Variants in LTBP2 observed in about 807,000 individuals in gnomAD.
The protein encoded by LTBP2 is latent-transforming growth factor beta-binding protein 2.
Under a neutral mutation model 210.6 loss-of-function variants are expected in LTBP2, and 103 were observed. That is an observed-to-expected ratio of 0.49 (90% CI 0.42 to 0.58). The LOEUF is 0.58. LTBP2 is among the 20% of genes least tolerant of loss of function. The pLI, the probability that LTBP2 is intolerant of heterozygous loss-of-function variation, is 0.00. For missense variants in LTBP2, 2,313 were observed against 2,494.5 expected, an observed-to-expected ratio of 0.93 and a Z score of 1.55; for synonymous variants, 1,007 against 1,015.0, an observed-to-expected ratio of 0.99 and a Z score of 0.15.
Position 74,611,939 on chromosome 14 carries a change from C to T in LTBP2, c.6G>A (p.Arg2=). The T allele has an allele frequency of 6.3e-7, 1 of 1,578,344 alleles. No homozygotes were observed. Among genetic ancestry groups the T allele is most frequent in the Non-Finnish European group, 8.6e-7 (1 of 1,166,720 alleles). M[R]PRTKARSPGR... ...CCGGGCTGCGGGCTTTGGTCCGCGG[C>T]CTCATGGCGCGGGGCGGCTGGAGAG... is the stretch of plus-strand genomic sequence containing the variant. Residue 2 remains arginine, a synonymous_variant, in exon 1 of 36, where the codon AGG becomes AGA. Transcript: ENST00000261978.
rs1405470439 is a variant in LTBP2 at position 74,509,313 on chromosome 14, TGGTGCAGACTCCGGA to T, written c.3313_3327del (p.Ser1105_Thr1109del). The T allele has an allele frequency of 2.0e-5, 32 of 1,613,518 alleles. No individual in the cohort carries two copies. Among genetic ancestry groups the T allele is most frequent in the Non-Finnish European group, 2.7e-5 (32 of 1,179,988 alleles). On this transcript the variant is annotated inframe_deletion, in exon 22 of 36. Transcript: ENST00000261978. Reference sequence around the variant, plus strand: ...TTGCAGGAGAAGGAGCCAGCCGTGTTGGTGCAGACTCCGGAGGGGCAGACTCCCGGGAAGGCACAC... The same window carrying T: ...TTGCAGGAGAAGGAGCCAGCCGTGTTGGGGCAGACTCCCGGGAAGGCACAC...
Position 74,525,233 on chromosome 14 carries a change from GGAGA to G in LTBP2, c.2429-12_2429-9del. ...GTGGGGTTGTGGCATTCCCTGTGGA[GGAGA>G]GAGGGGAAGAGGTGGGGTTGTGGCC... On this transcript the variant is annotated splice_polypyrimidine_tract_variant and intron_variant, in intron 14 of 35. Coordinates refer to ENST00000261978, the MANE Select transcript of LTBP2 (RefSeq NM_000428.3). The G allele has an allele frequency of 7.6e-7, 1 of 1,310,848 alleles. No homozygotes were observed. Among genetic ancestry groups the G allele is most frequent in the Non-Finnish European group, 9.8e-7 (1 of 1,016,660 alleles). 81.2% of individuals were successfully genotyped at this position (1,310,848 alleles called of 1,614,324 possible).
rs776809103 is a variant in LTBP2, at chr14:74,526,046, C to T, written c.2428+29G>A. 3 of 1,590,734 alleles carry T rather than the reference C, an allele frequency of 1.9e-6. No individual in the cohort carries two copies. In the South Asian group the frequency reaches 3.4e-5, roughly 18 times the overall value. On this transcript the variant is annotated intron_variant, in intron 14 of 35. Coordinates refer to ENST00000261978, the MANE Select transcript of LTBP2 (RefSeq NM_000428.3). ...GGCTCTTTCCCTCCCTTCTCTTTTG[C>T]CTAGGAGCCGCCAGGAAGAGGGACT...
At chr14:74,561,068 T>C (rs1055771850) in intron 3 of LTBP2, among the ~76,000 whole-genome samples, 1 of 152,168 alleles carries the variant, frequency 6.6e-6, no homozygotes, top group African/African-American at 2.4e-5. Flanking sequence ...CCTGTAATCC[T>C]AGCACTTTGG....
chr14:74,504,894 G>C (rs2139689700), intron 29 of LTBP2, 33 bp from the exon 30 acceptor site: 1 of 1,612,512 alleles, frequency 6.2e-7, no homozygotes, highest in East Asian at 2.2e-5. Flanking sequence ...TCAGAGTGGG[G>C]AGGGCCCTGC....
At chr14:74,572,932 C>G (rs2088004778) in intron 3 of LTBP2, among the ~76,000 whole-genome samples, 1 of 152,194 alleles carries the variant, frequency 6.6e-6, no homozygotes, top group South Asian at 2.1e-4. Flanking sequence ...AAAAATCCTA[C>G]AGGATTTAAG....
chr14:74,506,590 G>A, intron 27 of LTBP2, 108 bp downstream of exon 27: 2 of 1,539,394 alleles, frequency 1.3e-6, no homozygotes, highest in Non-Finnish European at 1.8e-6. Context: ...CCTTGCCCAT[G>A]CTCTGGGGAC....
intron 1 of LTBP2, among the ~76,000 whole-genome samples, chr14:74,604,395 G>A (rs1356803198): frequency 6.6e-6 from 1 of 152,154 alleles, no homozygotes; most frequent in East Asian, 1.9e-4. Flanking sequence ...AGAATCCCTG[G>A]TTAAGAGGTG....
chr14:74,580,193 C>T (rs1278453125), intron 3 of LTBP2, among the ~76,000 whole-genome samples: 1 of 152,022 alleles, frequency 6.6e-6, no homozygotes, highest in East Asian at 1.9e-4. Context: ...GGCCCCACTA[C>T]AAAGGAAAGG....
chr14:74,551,010 G>A lies in LTBP2; in HGVS notation c.1686+54C>T, dbSNP rs1015694538. 7 of 1,601,992 alleles carry A rather than the reference G, an allele frequency of 4.4e-6. No individual in the cohort carries two copies. The African/African-American group carries it at 6.7e-5, about 15-fold the overall frequency. ...AGAGAGGAGGAGAAGGGCAGACTGG[G>A]GACAACTGCCATCCTGGAAGCATCC... is the stretch of plus-strand genomic sequence containing the variant. On this transcript the variant is annotated intron_variant, in intron 7 of 35. Coordinates refer to ENST00000261978, the MANE Select transcript of LTBP2 (RefSeq NM_000428.3).
At chr14:74,537,313 G>A (rs186465797) in intron 8 of LTBP2, among the ~76,000 whole-genome samples, 1 of 152,298 alleles carries the variant, frequency 6.6e-6, no homozygotes, top group Non-Finnish European at 1.5e-5. Context: ...AAAAGGCAGG[G>A]GAATACTATC....
chr14:74,521,097 G>C (rs1255532781), intron 17 of LTBP2, among the ~76,000 whole-genome samples: 1 of 152,152 alleles, frequency 6.6e-6, no homozygotes, highest in African/African-American at 2.4e-5. Context: ...ATTGGACCTG[G>C]ATGGCTTTGG....
rs562133175 is a variant in LTBP2, at chr14:74,509,484, G to C, written c.3278-121C>G. 299 of 1,441,660 alleles carry C rather than the reference G, an allele frequency of 2.1e-4. No individual in the cohort carries two copies. The African/African-American group carries it at 3.6e-3, about 17-fold the overall frequency. 89.3% of individuals were successfully genotyped at this position (1,441,660 alleles called of 1,614,324 possible). Reference sequence around the variant, plus strand: ...GGGCTTTCCTAAAACCCCCTCCCTAGAACGCTCCCAGGACAGCCCTGCCCT... The same window carrying C: ...GGGCTTTCCTAAAACCCCCTCCCTACAACGCTCCCAGGACAGCCCTGCCCT... On this transcript the variant is annotated intron_variant, in intron 21 of 35. Transcript: ENST00000261978.
In LTBP2 at chr14:74,508,932, G is replaced by A. The variant is rs1226785343; in HGVS notation, c.3424C>T (p.Pro1142Ser). 4 of 1,613,554 alleles carry A rather than the reference G, an allele frequency of 2.5e-6. No homozygotes were observed. Among genetic ancestry groups the A allele is most frequent in the Non-Finnish European group, 3.4e-6 (4 of 1,179,968 alleles). ...TCGCCTCCCAGGCAGCTGCTCTGGG[G>A]GTCTTCACATTCATCCACATCTGCA... ...SCEDVDECED[P>S]QSSCLGGECK... The change falls in exon 23 of 36, where the codon CCC becomes TCC. Residue 1142 changes from proline (P) to serine (S), a missense_variant. This residue lies in a region of LTBP2 where 1,867 missense variants were observed against 1,976.9 expected (regional missense o/e 0.94). Transcript: ENST00000261978.
chr14:74,526,203 C>T (rs2087272160), intron 13 of LTBP2, 89 bp from the exon 14 acceptor site: 2 of 1,301,218 alleles, frequency 1.5e-6, no homozygotes, highest in Admixed American at 3.9e-5. Context: ...CACCTCCGGG[C>T]TTCCTACCAG....
intron 2 of LTBP2, among the ~76,000 whole-genome samples, chr14:74,599,585 G>T: frequency 6.6e-6 from 1 of 152,212 alleles, no homozygotes. Flanking sequence ...CATAAGTCCC[G>T]AGAGAGAGCT....
chr14:74,574,761 C>T (rs568126819), intron 3 of LTBP2, among the ~76,000 whole-genome samples: 2 of 152,292 alleles, frequency 1.3e-5, no homozygotes, highest in East Asian at 3.9e-4. Context: ...ATATATTCCT[C>T]AGCTCTGGGA....
At chr14:74,517,694 C>A (rs1025136545) in intron 17 of LTBP2, among the ~76,000 whole-genome samples, 1 of 152,150 alleles carries the variant, frequency 6.6e-6, no homozygotes, top group Non-Finnish European at 1.5e-5. Flanking sequence ...TTCCTAAGGA[C>A]CTTCATAAAG....
chr14:74,573,642 C>T lies in LTBP2; in HGVS notation c.830+12212G>A, dbSNP rs188001635. ...TTAGACCTGGAGGGTAAGAGCTTGC[C>T]TACGTAACTACCCTGGGATACTCCA... On this transcript the variant is annotated intron_variant, in intron 3 of 35. Transcript: ENST00000261978. Among the ~76,000 whole-genome samples, 5 of 152,298 alleles carry T rather than the reference C, an allele frequency of 3.3e-5. No individual in the cohort carries two copies. In the East Asian group the frequency reaches 9.6e-4, roughly 29 times the overall value.
Sources: gnomAD v4.1 joint callset for allele counts (sites outside exome capture counted in the v4.1 genomes callset) on GRCh38, gnomAD v4.1.1 for gene constraint, gnomAD v4.1.1 regional missense constraint, MANE v1.5 for transcripts, NCBI Gene and HGNC (gene_info 2026-07-23, HGNC 2026-07-21) for gene names.